The following PTPRN2 variants were observed in gnomAD, a reference collection of about 807,000 sequenced individuals.
PTPRN2 encodes receptor-type tyrosine-protein phosphatase N2.
PTPRN2 carries 74 observed loss-of-function variants against 118.8 expected under a neutral mutation model. The ratio of observed to expected loss-of-function variants is 0.62; its 90% confidence interval spans 0.52 to 0.76. The LOEUF is 0.76. Ranked by LOEUF, PTPRN2 falls within the 30% of genes least tolerant of loss-of-function variation. PTPRN2 has a pLI of 0.00. For missense variants in PTPRN2, 1,481 were observed against 1,394.4 expected (o/e 1.06, Z -0.99); for synonymous variants, 641 against 608.0 (o/e 1.05, Z -0.80).
intron 12 of PTPRN2, among the ~76,000 whole-genome samples, chr7:157,766,909 C>G (rs976127533): frequency 2.0e-5 from 3 of 152,214 alleles, no homozygotes; most frequent in African/African-American, 7.2e-5. Context: ...TCTCTGTCTT[C>G]CTGGCCAGCT....
chr7:157,632,856 A>G lies in PTPRN2; in HGVS notation c.2197-11347T>C, dbSNP rs1804047154. On this transcript the variant is annotated intron_variant, in intron 14 of 22. Transcript: ENST00000389418. The surrounding 1 kb of genome is among the most constrained non-coding windows in gnomAD (Gnocchi z 4.3). ...TTCAGAGAATTATACTATGTTTTCC[A>G]TAAATGTACAGCTATTAATATTTAA... is the stretch of plus-strand genomic sequence containing the variant. Among the ~76,000 whole-genome samples the G allele has an allele frequency of 6.6e-6, 1 of 152,262 alleles. No homozygotes were observed. The highest frequency in any genetic ancestry group is 2.1e-4 in the South Asian group (1 of 4,830).
chr7:158,144,836 G>T (rs1819745158), intron 6 of PTPRN2, among the ~76,000 whole-genome samples: 1 of 152,212 alleles, frequency 6.6e-6, no homozygotes, highest in Admixed American at 6.5e-5. Flanking sequence ...GACCCACCCT[G>T]AACTTTGCAA....
At chr7:157,635,002 C>G (rs1804222568) in intron 14 of PTPRN2, among the ~76,000 whole-genome samples, 1 of 152,194 alleles carries the variant, frequency 6.6e-6, no homozygotes, top group Non-Finnish European at 1.5e-5. Context: ...ACGTTAAGTC[C>G]AGAACACACG....
At chr7:158,315,592 A>C (rs964810108) in intron 3 of PTPRN2, among the ~76,000 whole-genome samples, 1 of 152,250 alleles carries the variant, frequency 6.6e-6, no homozygotes, top group Non-Finnish European at 1.5e-5. Context: ...TCCTGTGAGC[A>C]GAATCTCCAG....
intron 22 of PTPRN2, among the ~76,000 whole-genome samples, chr7:157,545,305 A>G (rs1798251449): frequency 7.7e-6 from 1 of 130,338 alleles, no homozygotes; most frequent in Non-Finnish European, 1.6e-5. Context: ...GTGGGTGTGT[A>G]CCACATGCGT....
intron 11 of PTPRN2, among the ~76,000 whole-genome samples, chr7:158,071,997 GTGGAGGTGCTCGTCGTA>G (rs1811924445): frequency 1.8e-5 from 2 of 110,680 alleles, no homozygotes; most frequent in African/African-American, 7.3e-5. Context: ...GCTCGTGGTG[GTGGAGGTGCTCGTCGTA>G]TGGAGGTGCT....
At chr7:157,807,668 A>G (rs1317982291) in intron 12 of PTPRN2, among the ~76,000 whole-genome samples, 1 of 152,212 alleles carries the variant, frequency 6.6e-6, no homozygotes, top group East Asian at 1.9e-4. Flanking sequence ...AATCCTTCAC[A>G]TCCTGGAGCT....
At chr7:157,660,416 CA>C (rs1486541416) in intron 13 of PTPRN2, among the ~76,000 whole-genome samples, 2 of 152,120 alleles carry the variant, frequency 1.3e-5, no homozygotes, top group Admixed American at 1.3e-4. Flanking sequence ...CCTGCTGCAC[CA>C]CAAACTTCCG....
At chr7:158,150,821 C>T (rs1268991900) in intron 6 of PTPRN2, among the ~76,000 whole-genome samples, 4 of 151,980 alleles carry the variant, frequency 2.6e-5, no homozygotes, top group Non-Finnish European at 4.4e-5. Flanking sequence ...TGAACTCTCC[C>T]ATGATGGTTG....
At chr7:158,105,533 G>A (rs373682292) in intron 10 of PTPRN2, among the ~76,000 whole-genome samples, 3 of 149,714 alleles carry the variant, frequency 2.0e-5, no homozygotes, top group Non-Finnish European at 4.4e-5. Flanking sequence ...TCTACCCCAG[G>A]TACATCCAAG....
chr7:157,641,795 G>A (rs921051763), intron 14 of PTPRN2, among the ~76,000 whole-genome samples: 1 of 152,102 alleles, frequency 6.6e-6, no homozygotes, highest in East Asian at 1.9e-4. Flanking sequence ...GAATAATGTC[G>A]ACTTTTCGGG....
intron 6 of PTPRN2, among the ~76,000 whole-genome samples, chr7:158,141,128 C>A (rs557943502): frequency 6.6e-6 from 1 of 152,310 alleles, no homozygotes; most frequent in South Asian, 2.1e-4. Flanking sequence ...CCGCAACCTT[C>A]TGCCCTAGAG....
chr7:157,659,003 C>T (rs907503293), intron 13 of PTPRN2, among the ~76,000 whole-genome samples: 16 of 152,094 alleles, frequency 1.1e-4, no homozygotes, highest in Middle Eastern at 3.4e-3. Flanking sequence ...CTTCTCCCTT[C>T]ACCCCGGGGT....
intron 12 of PTPRN2, among the ~76,000 whole-genome samples, chr7:157,867,893 TGGA>T (rs1810810074): frequency 6.6e-6 from 1 of 152,102 alleles, no homozygotes; most frequent in Non-Finnish European, 1.5e-5. Context: ...GCAGGCGTGG[TGGA>T]GGTGTGCCCA....
intron 1 of PTPRN2, among the ~76,000 whole-genome samples, chr7:158,571,408 G>A (rs887134471): frequency 3.3e-5 from 5 of 151,130 alleles, no homozygotes; most frequent in Non-Finnish European, 5.9e-5. Flanking sequence ...AACATGGGAG[G>A]CAGAGGTTGC....
At chr7:158,280,504 C>T (rs1799349106) in intron 3 of PTPRN2, among the ~76,000 whole-genome samples, 1 of 152,216 alleles carries the variant, frequency 6.6e-6, no homozygotes, top group South Asian at 2.1e-4. Context: ...TTTAATTGGT[C>T]CTCTCCAGGG....
chr7:157,783,596 G>A (rs748149062), intron 12 of PTPRN2, among the ~76,000 whole-genome samples: 1 of 150,638 alleles, frequency 6.6e-6, no homozygotes, highest in African/African-American at 2.5e-5. Flanking sequence ...AAAGTTGACC[G>A]ATCCTGGCTA....
chr7:158,343,906 G>A (rs1807283773), intron 2 of PTPRN2, among the ~76,000 whole-genome samples: 1 of 151,758 alleles, frequency 6.6e-6, no homozygotes, highest in African/African-American at 2.4e-5. Context: ...GGTCTAGACT[G>A]CATTTCCAGG....
At chr7:157,589,914 A>C (rs572581762) in intron 17 of PTPRN2, among the ~76,000 whole-genome samples, 2 of 152,332 alleles carry the variant, frequency 1.3e-5, no homozygotes, top group Non-Finnish European at 2.9e-5. Flanking sequence ...GTGGTGCTCT[A>C]TGCCGAGGAC....
Sources: allele counts gnomAD v4.1 joint callset (sites outside exome capture counted in the v4.1 genomes callset), GRCh38; gene constraint gnomAD v4.1.1; non-coding constraint Gnocchi (gnomAD v3.1); transcripts MANE v1.5; gene names NCBI Gene and HGNC (gene_info 2026-07-23, HGNC 2026-07-21).